SGCZ: variants seen among roughly 807,000 people sequenced by gnomAD.
SGCZ encodes the protein sarcoglycan zeta.
Under a neutral mutation model 41.3 loss-of-function variants are expected in SGCZ, and 40 were observed. The ratio of observed to expected loss-of-function variants is 0.97; its 90% CI spans 0.75 to 1.26. SGCZ has a LOEUF of 1.26. SGCZ is among the 50% of genes most tolerant of loss of function. The pLI is 0.00. For missense variants in SGCZ, 552 were observed against 369.8 expected, an observed-to-expected ratio of 1.49 and a Z score of -4.04; for synonymous variants, 206 against 137.5, an observed-to-expected ratio of 1.50 and a Z score of -3.49.
At chr8:14,183,139 T>C (rs760059198) in intron 4 of SGCZ, among the ~76,000 whole-genome samples, 7 of 151,950 alleles carry the variant, frequency 4.6e-5, no homozygotes, top group African/African-American at 2.4e-5. Context: ...ATGGTACAAA[T>C]ATTTCATGGC....
intron 2 of SGCZ, among the ~76,000 whole-genome samples, chr8:14,520,009 C>CT (rs758207762): frequency 2.0e-4 from 31 of 151,756 alleles, no homozygotes; most frequent in Non-Finnish European, 3.5e-4. Flanking sequence ...TCTTTTAAAA[C>CT]TTTTTTTTAA....
At chr8:14,216,987 T>C (rs139406236) in intron 4 of SGCZ, among the ~76,000 whole-genome samples, 166 of 152,192 alleles carry the variant, frequency 1.1e-3, no homozygotes, top group African/African-American at 3.7e-3. Flanking sequence ...TGTGGTGAAA[T>C]TGTATAAAGC....
chr8:14,254,181 G>A (rs1163236741), intron 3 of SGCZ, among the ~76,000 whole-genome samples: 1 of 151,994 alleles, frequency 6.6e-6, no homozygotes, highest in African/African-American at 2.4e-5. Context: ...GTTCCTAGAG[G>A]TGAACCCTGG....
intron 2 of SGCZ, among the ~76,000 whole-genome samples, chr8:14,540,233 T>TTC (rs1344936819): frequency 1.4e-5 from 2 of 148,002 alleles, no homozygotes; most frequent in Non-Finnish European, 3.0e-5. Flanking sequence ...TTTTTTTTTT[T>TTC]TTTTTTTTTT....
intron 1 of SGCZ, among the ~76,000 whole-genome samples, chr8:14,766,560 T>A (rs558140787): frequency 3.3e-5 from 5 of 151,928 alleles, no homozygotes; most frequent in East Asian, 1.9e-4. Flanking sequence ...CTTTTAAAAA[T>A]ATATATATTT....
At chr8:14,646,286 A>G (rs1807212861) in intron 1 of SGCZ, among the ~76,000 whole-genome samples, 1 of 151,900 alleles carries the variant, frequency 6.6e-6, no homozygotes, top group Non-Finnish European at 1.5e-5. Flanking sequence ...CCCACTTATG[A>G]GCAAGAACAT....
At chr8:15,174,086 T>C (rs1239991842) in intron 1 of SGCZ, among the ~76,000 whole-genome samples, 1 of 152,164 alleles carries the variant, frequency 6.6e-6, no homozygotes, top group African/African-American at 2.4e-5. Context: ...TCATGCTGCA[T>C]ATTATACCAA....
At chr8:14,997,213 G>C (rs544612996) in intron 1 of SGCZ, among the ~76,000 whole-genome samples, 2 of 152,044 alleles carry the variant, frequency 1.3e-5, no homozygotes, top group Non-Finnish European at 2.9e-5. Flanking sequence ...ATAATTAATA[G>C]GTTAATAGTA....
intron 1 of SGCZ, among the ~76,000 whole-genome samples, chr8:14,794,367 A>T (rs1224336448): frequency 1.3e-5 from 2 of 152,164 alleles, no homozygotes; most frequent in African/African-American, 4.8e-5. Context: ...AATATACTGC[A>T]GGATTATATA....
chr8:14,851,584 T>C (rs1803326692), intron 1 of SGCZ, among the ~76,000 whole-genome samples: 1 of 152,096 alleles, frequency 6.6e-6, no homozygotes, highest in South Asian at 2.1e-4. Flanking sequence ...AATGGTTTTA[T>C]CATGCTGTTT....
intron 1 of SGCZ, among the ~76,000 whole-genome samples, chr8:15,000,751 G>A (rs7820939): frequency 0.45 from 68,918 of 151,970 alleles, 16,449 homozygotes; most frequent in African/African-American, 0.6. Flanking sequence ...TGTGAGCCCT[G>A]TGTAAATCAG....
At chr8:14,286,538 C>T (rs368373849) in intron 3 of SGCZ, among the ~76,000 whole-genome samples, 1 of 152,074 alleles carries the variant, frequency 6.6e-6, no homozygotes, top group Non-Finnish European at 1.5e-5. Context: ...TAAATGACAG[C>T]AGTAGTTTAT....
intron 1 of SGCZ, among the ~76,000 whole-genome samples, chr8:15,102,689 A>G (rs1013870950): frequency 6.6e-6 from 1 of 152,224 alleles, no homozygotes; most frequent in Non-Finnish European, 1.5e-5. Flanking sequence ...ATGTTCCAAA[A>G]TATTCTATTG....
At chr8:14,741,726 G>T (rs890288975) in intron 1 of SGCZ, among the ~76,000 whole-genome samples, 3 of 151,994 alleles carry the variant, frequency 2.0e-5, no homozygotes, top group African/African-American at 4.8e-5. Flanking sequence ...CCAAAAGTAT[G>T]TCTGAAAGGA....
intron 1 of SGCZ, among the ~76,000 whole-genome samples, chr8:14,759,168 C>A (rs113480347): frequency 1.3e-4 from 19 of 151,852 alleles, no homozygotes; most frequent in African/African-American, 4.6e-4. Context: ...ATTTATATTA[C>A]GAAAACACAA....
At chr8:14,093,523 C>T (rs1172346520) in intron 7 of SGCZ, among the ~76,000 whole-genome samples, 1 of 152,030 alleles carries the variant, frequency 6.6e-6, no homozygotes, top group Non-Finnish European at 1.5e-5. Flanking sequence ...AGCACTATGG[C>T]CTCATAGTAT....
At chr8:15,210,206 T>C (rs1197891382) in intron 1 of SGCZ, among the ~76,000 whole-genome samples, 2 of 152,162 alleles carry the variant, frequency 1.3e-5, no homozygotes, top group East Asian at 3.8e-4. Flanking sequence ...GAATTAACTG[T>C]GGAACTGAAC....
At chr8:15,046,045 T>C (rs960534693) in intron 1 of SGCZ, among the ~76,000 whole-genome samples, 2 of 152,158 alleles carry the variant, frequency 1.3e-5, no homozygotes, top group African/African-American at 4.8e-5. Context: ...TCTATTACAT[T>C]ATATTGTTAG....
At chr8:15,075,479 T>A (rs1309339403) in intron 1 of SGCZ, among the ~76,000 whole-genome samples, 1 of 152,142 alleles carries the variant, frequency 6.6e-6, no homozygotes, top group Admixed American at 6.5e-5. Flanking sequence ...CATGGTGGCA[T>A]AGAGCTAAAA....
Sources: gnomAD v4.1 joint callset for allele counts (sites outside exome capture counted in the v4.1 genomes callset) on GRCh38, gnomAD v4.1.1 for gene constraint, MANE v1.5 for transcripts, NCBI Gene and HGNC (gene_info 2026-07-23, HGNC 2026-07-21) for gene names.